The following IHH variants were observed in gnomAD, a reference collection of about 807,000 sequenced individuals.
IHH encodes Indian hedgehog signaling molecule.
Under a neutral mutation model 29.4 loss-of-function variants are expected in IHH, and 9 were observed. That is an observed-to-expected ratio of 0.31 (90% CI 0.18 to 0.53). The LOEUF (loss-of-function observed/expected upper bound fraction) is 0.53, where lower values mean the gene tolerates loss of function less well. IHH is among the 20% of genes least tolerant of loss of function. The probability of loss-of-function intolerance (pLI) is 0.95; values close to 1 mark genes in which losing one functional copy is unlikely to be tolerated. For synonymous variants in IHH, 254 were observed against 252.7 expected, an observed-to-expected ratio of 1.01 and a Z score of -0.05; for missense variants, 454 against 578.1, an observed-to-expected ratio of 0.79 and a Z score of 2.20.
chr2:219,058,216 G>C (rs1180238362), intron 1 of IHH, among the ~76,000 whole-genome samples: 1 of 152,196 alleles, frequency 6.6e-6, no homozygotes, highest in Admixed American at 6.5e-5. Flanking sequence ...ACAGGCTCTG[G>C]AGGCGCGGCA....
Position 219,060,082 on chromosome 2 carries a change from A to AG in IHH, c.315+70dup. Reference sequence around the variant, plus strand: ...TGCCAGCCAGTCGAGAAAATGTGCCAGGGGGTGGGTAGGGCCGGGCAGGTG... The same window carrying AG: ...TGCCAGCCAGTCGAGAAAATGTGCCAGGGGGGTGGGTAGGGCCGGGCAGGTG... On this transcript the variant is annotated intron_variant, in intron 1 of 2. Transcript: ENST00000295731. This position sits in a 1 kb window ranked among gnomAD's most constrained non-coding sequence, Gnocchi z 8.8. The AG allele has an allele frequency of 2.3e-6, 3 of 1,325,152 alleles. No individual in the cohort carries two copies. Among genetic ancestry groups the AG allele is most frequent in the South Asian group, 2.6e-5 (2 of 77,602 alleles). The allele number at this position is 1,325,152 out of a possible 1,614,324, so 82.1% of individuals were successfully genotyped here. A position where few individuals can be genotyped will look rare whatever the true frequency, so the allele number is the denominator to read the frequency against.
chr2:219,054,893 G>A lies in IHH; in HGVS notation c.*314C>T. On this transcript the variant is annotated 3_prime_UTR_variant, in exon 3 of 3. Transcript: ENST00000295731. Reference sequence around the variant, plus strand: ...GATGGAATGGGCCCTCCCCAATGGGGGAGGCAGAGTATGAAAACTCGTAGT... The same window carrying A: ...GATGGAATGGGCCCTCCCCAATGGGAGAGGCAGAGTATGAAAACTCGTAGT... 2.6e-6 allele frequency: 1 copy of A among 391,882 alleles called. No homozygotes were observed. The highest frequency in any genetic ancestry group is 4.7e-6 in the Non-Finnish European group (1 of 213,060). The allele number at this position is 391,882 out of a possible 1,614,324, so 24.3% of individuals were successfully genotyped here.
chr2:219,055,896 T>A, intron 2 of IHH, 31 bp from the exon 3 acceptor site: 1 of 1,589,594 alleles, frequency 6.3e-7, no homozygotes. Context: ...AAGGTGTTAC[T>A]GCTGTGCAGC....
chr2:219,058,209 G>A (rs1453580969), intron 1 of IHH, among the ~76,000 whole-genome samples: 4 of 152,198 alleles, frequency 2.6e-5, no homozygotes, highest in Non-Finnish European at 4.4e-5. Flanking sequence ...GGGGACGACA[G>A]GCTCTGGAGG....
Position 219,060,214 on chromosome 2 carries a change from T to C in IHH, c.254A>G (p.Tyr85Cys). 1 of 1,613,300 alleles carries C rather than the reference T, an allele frequency of 6.2e-7. No individual in the cohort carries two copies. Among genetic ancestry groups the C allele is most frequent in the Non-Finnish European group, 8.5e-7 (1 of 1,179,788 alleles). Reference sequence around the variant, plus strand: ...GTCCTTGAAGATGATGTCTGGATTGTAATTGGGGGTGAGCTCCTTGAAGCG... The same window carrying C: ...GTCCTTGAAGATGATGTCTGGATTGCAATTGGGGGTGAGCTCCTTGAAGCG... ...SERFKELTPN[Y>C]NPDIIFKDEE... is the part of the protein sequence containing the mutation. The change falls in exon 1 of 3, where the codon TAC becomes TGC. Residue 85 changes from tyrosine to cysteine, a missense_variant. Transcript: ENST00000295731. This position sits in a 1 kb window ranked among gnomAD's most constrained non-coding sequence, Gnocchi z 8.8.
rs1948865993 is a variant in IHH, at chr2:219,059,949, A to C, written c.315+204T>G. Among the ~76,000 whole-genome samples, 2 of 152,068 alleles carry C rather than the reference A, an allele frequency of 1.3e-5. No homozygotes were observed. Among genetic ancestry groups the C allele is most frequent in the South Asian group, 4.1e-4 (2 of 4,830 alleles). ...CTTGGCAGCGGGGAGCTCTTCTAGC[A>C]GTCTCCTCCGGGCTTGGGGATGCCG... On this transcript the variant is annotated intron_variant, in intron 1 of 2. Transcript: ENST00000295731. This position sits in a 1 kb window ranked among gnomAD's most constrained non-coding sequence, Gnocchi z 4.7.
rs1948864869 is a variant in IHH at position 219,059,810 on chromosome 2, G to A, written c.315+343C>T. ...AAGGTTAGGCCGGGAGGGACTGCGT[G>A]GGTCCTGGAGGCGCAGGAGGCAGCC... is the stretch of plus-strand genomic sequence containing the variant. On this transcript the variant is annotated intron_variant, in intron 1 of 2. Coordinates refer to ENST00000295731, the MANE Select transcript of IHH (RefSeq NM_002181.4). The surrounding 1 kb of genome is among the most constrained non-coding windows in gnomAD (Gnocchi z 4.7). Among the ~76,000 whole-genome samples the A allele has an allele frequency of 6.6e-6, 1 of 152,212 alleles. No individual in the cohort carries two copies. The highest frequency in any genetic ancestry group is 1.5e-5 in the Non-Finnish European group (1 of 68,042).
At position 219,055,672 on chromosome 2, in the gene IHH, G is replaced by A. The variant is rs1559179033; in HGVS notation, c.771C>T (p.Phe257=). Residue 257 remains phenylalanine (F), a synonymous_variant, in exon 3 of 3, where the codon TTC becomes TTT. Transcript: ENST00000295731. ...LDREPHRLRA[F]QVIETQDPPR... is the part of the protein sequence containing the mutation. ...GGGGGTCCTGAGTCTCGATGACCTG[G>A]AAGGCTCTCAGCCTGTGAGGCTCGC... 6.2e-7 allele frequency: 1 copy of A among 1,614,070 alleles called. No homozygotes were observed. The highest frequency in any genetic ancestry group is 8.5e-7 in the Non-Finnish European group (1 of 1,179,962).
rs930275449 is a variant in IHH at position 219,060,033 on chromosome 2, G to A, written c.315+120C>T. ...TGGGCAGGAGGCAGCGGGGCTTGGC[G>A]AGAGGGGCAGGTGCCAGGGAGCGTG... is the stretch of plus-strand genomic sequence containing the variant. On this transcript the variant is annotated intron_variant, in intron 1 of 2. Transcript: ENST00000295731. The surrounding 1 kb of genome is among the most constrained non-coding windows in gnomAD (Gnocchi z 8.8). The A allele has an allele frequency of 4.1e-4, 366 of 884,836 alleles. No homozygotes were observed. The highest frequency in any genetic ancestry group is 4.4e-4 in the Non-Finnish European group (256 of 575,592). The allele number at this position is 884,836 out of a possible 1,614,324, so 54.8% of individuals were successfully genotyped here.
In IHH at chr2:219,055,791, C is replaced by T. The variant is rs1461317589; in HGVS notation, c.652G>A (p.Val218Met). Residue 218 changes from valine to methionine, a missense_variant, in exon 3 of 3, where the codon GTG becomes ATG. By Grantham distance (21) the Val-to-Met change is conservative. Transcript: ENST00000295731. ...CCCGGCCTCACGGCTGACAAGGCCA[C>T]ACGCGCCCCACTCTCCAGGCGTACC... is the stretch of plus-strand genomic sequence containing the variant. ...AQVRLESGAR[V>M]ALSAVRPGDR... 1 of 1,613,240 alleles carries T rather than the reference C, an allele frequency of 6.2e-7. No homozygotes were observed. Among genetic ancestry groups the T allele is most frequent in the East Asian group, 2.2e-5 (1 of 44,882 alleles).
In IHH at chr2:219,055,654, C is replaced by A. The variant is rs1315995534; in HGVS notation, c.789G>T (p.Gln263His). ...RLRAFQVIET[Q>H]DPPRRLALTP... ...TGAGTGCCAGGCGGCGTGGGGGGTC[C>A]TGAGTCTCGATGACCTGGAAGGCTC... The change falls in exon 3 of 3, where the codon CAG becomes CAT. Residue 263 changes from glutamine (Q) to histidine (H), a missense_variant. Around this residue, in one of 3 missense-constraint regions of IHH, gnomAD observed 271 missense variants for 315.9 expected, o/e 0.86. Transcript: ENST00000295731. 2 of 1,613,932 alleles carry A rather than the reference C, an allele frequency of 1.2e-6. No homozygotes were observed. The highest frequency in any genetic ancestry group is 1.7e-6 in the Non-Finnish European group (2 of 1,179,964).
At position 219,059,296 on chromosome 2, in the gene IHH, G is replaced by A. The variant is rs928674311; in HGVS notation, c.315+857C>T. Among the ~76,000 whole-genome samples the A allele has an allele frequency of 9.2e-5, 14 of 152,334 alleles. No individual in the cohort carries two copies. In the East Asian group the frequency reaches 2.7e-3, roughly 29 times the overall value. On this transcript the variant is annotated intron_variant, in intron 1 of 2. Transcript: ENST00000295731. The surrounding 1 kb of genome is among the most constrained non-coding windows in gnomAD (Gnocchi z 4.7). Reference sequence around the variant, plus strand: ...GCCTCGGGAGACCCCGAAGGAAGGGGGTGAAGGTCTCTCCCCTCGCGGACC... The same window carrying A: ...GCCTCGGGAGACCCCGAAGGAAGGGAGTGAAGGTCTCTCCCCTCGCGGACC...
Position 219,060,154 on chromosome 2 carries a change from T to A in IHH, c.314A>T (p.Gln105Leu), listed in dbSNP as rs1200136536. ...ENTGADRLMT[Q>L]RCKDRLNSLA... ...GCTGGTAGGGCGGATCGCGCTCACC[T>A]GGGTCATGAGGCGGTCGGCGCCTGT... Residue 105 changes from glutamine to leucine, a missense_variant and splice_region_variant, in exon 1 of 3, where the codon CAG (glutamine) becomes CTG (leucine). Gln to Leu is a moderately radical substitution (Grantham distance 113). Coordinates refer to ENST00000295731, the MANE Select transcript of IHH (RefSeq NM_002181.4). This position sits in a 1 kb window ranked among gnomAD's most constrained non-coding sequence, Gnocchi z 8.8. The A allele has an allele frequency of 1.9e-6, 3 of 1,607,908 alleles. No homozygotes were observed. Among genetic ancestry groups the A allele is most frequent in the Non-Finnish European group, 2.5e-6 (3 of 1,176,602 alleles).
Position 219,055,509 on chromosome 2 carries a change from G to A in IHH, c.934C>T (p.Leu312=). ...ACAGCTGCCACGCGGGCAGGCTGCA[G>A]GCCTGGCACCCCAGCCACCAGCACG... ...QYVLVAGVPG[L]QPARVAAVST... is the part of the protein sequence containing the mutation. The change falls in exon 3 of 3, where the codon CTG becomes TTG. Residue 312 remains leucine (L), a synonymous_variant. Coordinates refer to ENST00000295731, the MANE Select transcript of IHH (RefSeq NM_002181.4). 6.2e-7 allele frequency: 1 copy of A among 1,610,516 alleles called. No homozygotes were observed. The highest frequency in any genetic ancestry group is 8.5e-7 in the Non-Finnish European group (1 of 1,178,144).
At chr2:219,056,707 C>T (rs1480899944) in intron 2 of IHH, among the ~76,000 whole-genome samples, 1 of 152,100 alleles carries the variant, frequency 6.6e-6, no homozygotes, top group Non-Finnish European at 1.5e-5. Flanking sequence ...AAGGCTGAGC[C>T]GGCAGCCAGG....
Position 219,060,897 on chromosome 2 carries a change from TCTGCGGCGCAG to T in IHH, c.-441_-431del, listed in dbSNP as rs1367193697. Among the ~76,000 whole-genome samples, 3 of 150,492 alleles carry T rather than the reference TCTGCGGCGCAG, an allele frequency of 2.0e-5. No individual in the cohort carries two copies. Among genetic ancestry groups the T allele is most frequent in the African/African-American group, 7.3e-5 (3 of 41,158 alleles). ...TCGGGCGGAGCGGGAGCTGCTGCCG[TCTGCGGCGCAG>T]CCCGGGGCCGAGTGAGAGGGGAAAT... On this transcript the variant is annotated 5_prime_UTR_variant, in exon 1 of 3. Transcript: ENST00000295731. The surrounding 1 kb of genome is among the most constrained non-coding windows in gnomAD (Gnocchi z 8.8).
chr2:219,060,023 G>A lies in IHH; in HGVS notation c.315+130C>T. The A allele has an allele frequency of 1.2e-6, 1 of 805,048 alleles. No individual in the cohort carries two copies. Among genetic ancestry groups the A allele is most frequent in the Non-Finnish European group, 2.0e-6 (1 of 508,442 alleles). The allele number at this position is 805,048 out of a possible 1,614,324, so 49.9% of individuals were successfully genotyped here. A position where few individuals can be genotyped will look rare whatever the true frequency, so the allele number is the denominator to read the frequency against. On this transcript the variant is annotated intron_variant, in intron 1 of 2. Coordinates refer to ENST00000295731, the MANE Select transcript of IHH (RefSeq NM_002181.4). The surrounding 1 kb of genome is among the most constrained non-coding windows in gnomAD (Gnocchi z 8.8). ...CAGCCCATCTTGGGCAGGAGGCAGC[G>A]GGGCTTGGCGAGAGGGGCAGGTGCC... is the stretch of plus-strand genomic sequence containing the variant.
At position 219,060,757 on chromosome 2, in the gene IHH, CGGCGGCGGGGGGCGGCG is replaced by C. The variant is rs1948874841; in HGVS notation, c.-307_-291del. Among the ~76,000 whole-genome samples the C allele has an allele frequency of 6.8e-6, 1 of 146,078 alleles. No homozygotes were observed. The highest frequency in any genetic ancestry group is 1.5e-5 in the Non-Finnish European group (1 of 66,058). ...CGGCCCGTTTGTTTTGGCAACGCGG[CGGCGGCGGGGGGCGGCG>C]GGCGGCGGGGCTGCGGGCCGCCGGG... is the stretch of plus-strand genomic sequence containing the variant. On this transcript the variant is annotated 5_prime_UTR_variant, in exon 1 of 3. Transcript: ENST00000295731. The surrounding 1 kb of genome is among the most constrained non-coding windows in gnomAD (Gnocchi z 8.8).
chr2:219,057,497 C>T lies in IHH; in HGVS notation c.513G>A (p.Val171=). 1 of 1,613,326 alleles carries T rather than the reference C, an allele frequency of 6.2e-7. No homozygotes were observed. The highest frequency in any genetic ancestry group is 8.5e-7 in the Non-Finnish European group (1 of 1,179,760). Residue 171 remains valine, a synonymous_variant, in exon 2 of 3, where the codon GTG becomes GTA. Transcript: ENST00000295731. ...AATACACCCAGTCAAAGCCGGCCTC[C>T]ACTGCCAAGCGCGCCAGCAGTCCAT... ...NKYGLLARLA[V]EAGFDWVYYE...
Sources: allele counts gnomAD v4.1 joint callset (sites outside exome capture counted in the v4.1 genomes callset), GRCh38; gene constraint gnomAD v4.1.1; regional missense constraint gnomAD v4.1.1; non-coding constraint Gnocchi (gnomAD v3.1); transcripts MANE v1.5; gene names NCBI Gene and HGNC (gene_info 2026-07-23, HGNC 2026-07-21).